Variants in ADAMTS3 observed in about 807,000 individuals in gnomAD.
The protein encoded by ADAMTS3 is ADAM metallopeptidase with thrombospondin type 1 motif 3.
A neutral mutation model predicts 129.0 loss-of-function variants in ADAMTS3; 73 were observed. That is an observed-to-expected ratio of 0.57 (90% confidence interval 0.47 to 0.69). ADAMTS3 has a LOEUF of 0.69. Ranked by LOEUF, ADAMTS3 falls within the 30% of genes least tolerant of loss-of-function variation. The pLI is 0.00. For synonymous variants in ADAMTS3, 477 were observed against 510.8 expected, an observed-to-expected ratio of 0.93 and a Z score of 0.89; for missense variants, 1,457 against 1,514.5, an observed-to-expected ratio of 0.96 and a Z score of 0.63.
chr4:72,397,442 G>C (rs1425723644), intron 4 of ADAMTS3, among the ~76,000 whole-genome samples: 1 of 151,948 alleles, frequency 6.6e-6, no homozygotes, highest in African/African-American at 2.4e-5. Context: ...GCGGGTGCTT[G>C]TAATCCCAGC....
At chr4:72,521,666 T>C (rs1220955445) in intron 3 of ADAMTS3, among the ~76,000 whole-genome samples, 1 of 152,102 alleles carries the variant, frequency 6.6e-6, no homozygotes, top group Non-Finnish European at 1.5e-5. Flanking sequence ...ATATTATACA[T>C]AAAAGTACCC....
At chr4:72,288,285 G>A (rs1718563712) in intron 21 of ADAMTS3, among the ~76,000 whole-genome samples, 1 of 152,226 alleles carries the variant, frequency 6.6e-6, no homozygotes, top group African/African-American at 2.4e-5. Context: ...CAAGGTGTCT[G>A]TTTGAAGTTA....
intron 3 of ADAMTS3, among the ~76,000 whole-genome samples, chr4:72,441,261 G>C (rs1320988395): frequency 2.0e-5 from 3 of 151,582 alleles, no homozygotes; most frequent in African/African-American, 7.3e-5. Context: ...TTTTATTGCT[G>C]AGTAATATTT....
intron 3 of ADAMTS3, among the ~76,000 whole-genome samples, chr4:72,489,161 C>T (rs1719668944): frequency 6.6e-6 from 1 of 151,900 alleles, no homozygotes; most frequent in Non-Finnish European, 1.5e-5. Context: ...CCTATCCATT[C>T]ATACATTGAC....
At chr4:72,304,684 C>A (rs1047071817) in intron 16 of ADAMTS3, among the ~76,000 whole-genome samples, 3 of 151,782 alleles carry the variant, frequency 2.0e-5, no homozygotes, top group Non-Finnish European at 4.4e-5. Context: ...ACATATTATA[C>A]AATGAAATAA....
chr4:72,386,589 AAGAG>A (rs143849397), intron 4 of ADAMTS3, among the ~76,000 whole-genome samples: 3 of 150,070 alleles, frequency 2.0e-5, no homozygotes. Flanking sequence ...GGGATGGGGG[AAGAG>A]AGAGAGAGAG....
At chr4:72,480,186 C>T (rs1050163925) in intron 3 of ADAMTS3, among the ~76,000 whole-genome samples, 3 of 152,062 alleles carry the variant, frequency 2.0e-5, no homozygotes, top group Non-Finnish European at 4.4e-5. Context: ...CCAGCCATCC[C>T]ATTACTGGGT....
chr4:72,558,452 C>T (rs1035315545), intron 2 of ADAMTS3, among the ~76,000 whole-genome samples: 10 of 151,650 alleles, frequency 6.6e-5, no homozygotes, highest in African/African-American at 2.4e-4. Context: ...CTTTCACCTC[C>T]CTCTTCCATT....
At chr4:72,319,675 T>C (rs1344627664) in intron 8 of ADAMTS3, among the ~76,000 whole-genome samples, 183 bp downstream of exon 8, 2 of 152,186 alleles carry the variant, frequency 1.3e-5, no homozygotes, top group African/African-American at 2.4e-5. Flanking sequence ...CAGGAGTGCC[T>C]CTGCAAGCCA....
intron 3 of ADAMTS3, among the ~76,000 whole-genome samples, chr4:72,430,884 T>G (rs1578673526): frequency 6.8e-6 from 1 of 146,024 alleles, no homozygotes; most frequent in South Asian, 2.2e-4. Context: ...AGTTCTAAGA[T>G]GAGGCAAGAG....
At chr4:72,418,759 A>G (rs1299235193) in intron 3 of ADAMTS3, among the ~76,000 whole-genome samples, 1 of 152,186 alleles carries the variant, frequency 6.6e-6, no homozygotes, top group African/African-American at 2.4e-5. Flanking sequence ...AACCTCCAAA[A>G]AGATCATGCC....
chr4:72,481,258 AAAT>A (rs1293195683), intron 3 of ADAMTS3, among the ~76,000 whole-genome samples: 2 of 152,204 alleles, frequency 1.3e-5, no homozygotes, highest in African/African-American at 2.4e-5. Context: ...CAATTTTGAA[AAAT>A]AATAAAGCAG....
intron 3 of ADAMTS3, among the ~76,000 whole-genome samples, chr4:72,517,755 C>T (rs1187897557): frequency 6.6e-6 from 1 of 151,346 alleles, no homozygotes; most frequent in Non-Finnish European, 1.5e-5. Flanking sequence ...TGCTAGTGGT[C>T]TATCAATTTT....
intron 21 of ADAMTS3, among the ~76,000 whole-genome samples, chr4:72,284,318 G>A (rs973833394): frequency 7.9e-5 from 12 of 151,956 alleles, no homozygotes; most frequent in African/African-American, 2.2e-4. Flanking sequence ...GGTGGCAGGC[G>A]CCTGTAGTCC....
intron 18 of ADAMTS3, among the ~76,000 whole-genome samples, chr4:72,296,959 G>A (rs757877510): frequency 1.3e-5 from 2 of 151,930 alleles, no homozygotes; most frequent in Non-Finnish European, 1.5e-5. Context: ...AAAATGTTCC[G>A]AAATTTGGGC....
intron 4 of ADAMTS3, among the ~76,000 whole-genome samples, chr4:72,408,029 A>C (rs755921924): frequency 7.9e-5 from 12 of 152,160 alleles, no homozygotes; most frequent in Admixed American, 3.9e-4. Context: ...ACAGTTGAAA[A>C]TTAGAGTAAA....
intron 3 of ADAMTS3, among the ~76,000 whole-genome samples, chr4:72,539,199 C>T (rs6446834): frequency 0.34 from 51,984 of 151,696 alleles, 9,660 homozygotes; most frequent in South Asian, 0.55. Context: ...TATCAAAAGA[C>T]GCTATTAACA....
chr4:72,560,528 C>A (rs1721877640), intron 2 of ADAMTS3, among the ~76,000 whole-genome samples: 1 of 152,146 alleles, frequency 6.6e-6, no homozygotes, highest in African/African-American at 2.4e-5. Flanking sequence ...AGATCATGTC[C>A]TTTGCAGGAA....
At chr4:72,530,778 T>G (rs866236537) in intron 3 of ADAMTS3, among the ~76,000 whole-genome samples, 1,702 of 89,758 alleles carry the variant, frequency 0.019, 78 homozygotes, top group Non-Finnish European at 0.028. Context: ...TTATATATAT[T>G]ATATTATACA....
Sources: gnomAD v4.1 joint callset for allele counts (sites outside exome capture counted in the v4.1 genomes callset) on GRCh38, gnomAD v4.1.1 for gene constraint, MANE v1.5 for transcripts, NCBI Gene and HGNC (gene_info 2026-07-23, HGNC 2026-07-21) for gene names.